Variants in KDM5B observed in about 807,000 individuals in gnomAD.
KDM5B encodes the protein lysine-specific demethylase 5B.
In KDM5B, 144 loss-of-function variants were observed where a neutral mutation model predicts 193.4. That is an observed-to-expected ratio of 0.74 (90% CI 0.65 to 0.86). The LOEUF (loss-of-function observed/expected upper bound fraction) is 0.86, where lower values mean the gene tolerates loss of function less well. Ranked by LOEUF, KDM5B falls within the 40% of genes least tolerant of loss-of-function variation. The pLI is 0.00. For synonymous variants in KDM5B, 668 were observed against 682.6 expected (o/e 0.98, Z 0.33); for missense variants, 1,833 against 1,886.9 (o/e 0.97, Z 0.53).
chr1:202,801,978 C>CT (rs541436339), intron 1 of KDM5B, among the ~76,000 whole-genome samples: 11,462 of 144,552 alleles, frequency 0.079, 592 homozygotes, highest in Non-Finnish European at 0.11. Context: ...TTCATTCCAT[C>CT]TTTTTTTTTT....
chr1:202,747,499 T>C (rs1395002113), intron 14 of KDM5B, among the ~76,000 whole-genome samples: 2 of 151,370 alleles, frequency 1.3e-5, no homozygotes, highest in Non-Finnish European at 2.9e-5. Context: ...GTAGGTAACC[T>C]GCTGTTAAAA....
At chr1:202,740,901 A>T (rs1655311260) in intron 19 of KDM5B, 89 bp from the exon 20 acceptor site, 7 of 1,319,930 alleles carry the variant, frequency 5.3e-6, no homozygotes, top group Non-Finnish European at 7.3e-6. Flanking sequence ...TTCAAAGGAA[A>T]TTCAGTATGG....
intron 1 of KDM5B, among the ~76,000 whole-genome samples, chr1:202,804,081 AT>A (rs1399248350): frequency 6.6e-6 from 1 of 152,064 alleles, no homozygotes; most frequent in African/African-American, 2.4e-5. Flanking sequence ...TTAAAGTATA[AT>A]TTAAAAAAAG....
chr1:202,728,380 G>A lies in KDM5B; in HGVS notation c.*656C>T, dbSNP rs1654749507. The A allele has an allele frequency of 6.6e-6, 1 of 152,650 alleles. No individual in the cohort carries two copies. The highest frequency in any genetic ancestry group is 1.5e-5 in the Non-Finnish European group (1 of 68,048). The allele number at this position is 152,650 out of a possible 1,614,324, so 9.5% of individuals were successfully genotyped here. On this transcript the variant is annotated 3_prime_UTR_variant, in exon 27 of 27. Coordinates refer to ENST00000367265, the MANE Select transcript of KDM5B (RefSeq NM_006618.5). ...CAGTGACACTAGAAACTAGACATTTGTGTTCTGTACATCAATCAATCGCTA... is the reference window on the plus strand; with the variant it reads ...CAGTGACACTAGAAACTAGACATTTATGTTCTGTACATCAATCAATCGCTA...
In KDM5B at chr1:202,741,427, T is replaced by C; in HGVS notation, c.2885A>G (p.Gln962Arg). Residue 962 changes from glutamine (Q) to arginine (R), a missense_variant, in exon 19 of 27, where the codon CAG (glutamine) becomes CGG (arginine). By Grantham distance (43) the Gln-to-Arg change is conservative (BLOSUM62 1). This residue lies in a region of KDM5B where 1,379 missense variants were observed against 1,349.6 expected (regional missense o/e 1.02). Coordinates refer to ENST00000367265, the MANE Select transcript of KDM5B (RefSeq NM_006618.5). ...SAVEKAMARL[Q>R]ELLTVSEHWD... The stretch of plus-strand genomic sequence containing the variant: ...GTGCTCTGACACTGTGAGCAGTTCC[T>C]GCAGCCGGGCCATAGCTTTCTCCAC... 1 of 1,604,018 alleles carries C rather than the reference T, an allele frequency of 6.2e-7. No individual in the cohort carries two copies. Among genetic ancestry groups the C allele is most frequent in the South Asian group, 1.1e-5 (1 of 90,092 alleles).
At chr1:202,794,572 G>T (rs980352539) in intron 1 of KDM5B, among the ~76,000 whole-genome samples, 2 of 152,176 alleles carry the variant, frequency 1.3e-5, no homozygotes, top group African/African-American at 4.8e-5. Context: ...TCTTAGCCTA[G>T]CTATCTACTC....
intron 1 of KDM5B, chr1:202,796,283 A>C: frequency 2.4e-6 from 1 of 417,634 alleles, no homozygotes; most frequent in Non-Finnish European, 4.9e-6. Context: ...CTATGACCAA[A>C]TGGTCCCCGC....
intron 1 of KDM5B, among the ~76,000 whole-genome samples, chr1:202,777,726 A>G (rs1164603690): frequency 1.3e-5 from 2 of 151,946 alleles, no homozygotes; most frequent in Non-Finnish European, 2.9e-5. Flanking sequence ...CTCGAACTCT[A>G]CAGCTCCAAT....
At chr1:202,754,604 T>C (rs1655936118) in intron 11 of KDM5B, among the ~76,000 whole-genome samples, 6 of 152,240 alleles carry the variant, frequency 3.9e-5, no homozygotes, top group Admixed American at 3.9e-4. Context: ...CAAAGGGGTA[T>C]CCAGGCTAGC....
rs1362941655 is a variant in KDM5B, at chr1:202,808,421, C to A, written c.-116G>T. 9.7e-6 allele frequency: 9 copies of A among 925,812 alleles called. No homozygotes were observed. Among genetic ancestry groups the A allele is most frequent in the Non-Finnish European group, 6.3e-6 (4 of 632,836 alleles). 57.3% of individuals were successfully genotyped at this position (925,812 alleles called of 1,614,324 possible). On this transcript the variant is annotated 5_prime_UTR_variant, in exon 1 of 27. Coordinates refer to ENST00000367265, the MANE Select transcript of KDM5B (RefSeq NM_006618.5). The stretch of plus-strand genomic sequence containing the variant: ...CGAGCAACAGCAAGTCCGAGTTGTA[C>A]GGGCAACGGCAGCACCTTGGGCTTT...
intron 1 of KDM5B, among the ~76,000 whole-genome samples, chr1:202,803,077 C>T (rs2102351025): frequency 6.6e-6 from 1 of 151,968 alleles, no homozygotes; most frequent in Admixed American, 6.6e-5. Context: ...GGGAGGAGCA[C>T]TTGAGCCCAA....
At chr1:202,750,561 T>C (rs1332117741) in intron 13 of KDM5B, 98 bp downstream of exon 13, 4 of 1,323,706 alleles carry the variant, frequency 3.0e-6, no homozygotes, top group Non-Finnish European at 4.2e-6. Flanking sequence ...AGGCATGAGC[T>C]ACCGCACCCA....
chr1:202,754,580 A>G (rs1387543904), intron 11 of KDM5B, among the ~76,000 whole-genome samples: 1 of 152,184 alleles, frequency 6.6e-6, no homozygotes, highest in East Asian at 1.9e-4. Context: ...ACCTACTATA[A>G]TTCACGCTTC....
intron 7 of KDM5B, among the ~76,000 whole-genome samples, chr1:202,762,348 C>G (rs919558770): frequency 2.0e-5 from 3 of 152,046 alleles, no homozygotes; most frequent in African/African-American, 7.3e-5. Context: ...GATTTTTGAG[C>G]GAGCCTTCAG....
At position 202,740,828 on chromosome 1, in the gene KDM5B, A is replaced by G; in HGVS notation, c.2946-16T>C. On this transcript the variant is annotated splice_polypyrimidine_tract_variant and intron_variant, in intron 19 of 26. Transcript: ENST00000367265. ...ATGTCGTGGCCTACAAAATGCAAACAAAGACTTCTTAGCATTTTATATGAT... is the reference window on the plus strand; with the variant it reads ...ATGTCGTGGCCTACAAAATGCAAACGAAGACTTCTTAGCATTTTATATGAT... 6.9e-6 allele frequency: 11 copies of G among 1,599,582 alleles called. No homozygotes were observed. The highest frequency in any genetic ancestry group is 8.5e-6 in the Non-Finnish European group (10 of 1,171,312).
chr1:202,741,856 C>A, intron 18 of KDM5B, 134 bp from the exon 19 acceptor site: 1 of 613,302 alleles, frequency 1.6e-6, no homozygotes, highest in Non-Finnish European at 2.8e-6. Flanking sequence ...AATAAGATAA[C>A]ACATAAGCCA....
At chr1:202,751,228 A>G (rs539324695) in intron 12 of KDM5B, among the ~76,000 whole-genome samples, 3 of 152,238 alleles carry the variant, frequency 2.0e-5, no homozygotes, top group South Asian at 2.1e-4. Context: ...CCCTCACCCC[A>G]AAAGTACCTA....
At chr1:202,770,554 G>C (rs984307649) in intron 4 of KDM5B, among the ~76,000 whole-genome samples, 1 of 152,028 alleles carries the variant, frequency 6.6e-6, no homozygotes, top group Non-Finnish European at 1.5e-5. Flanking sequence ...TAAAAAACTA[G>C]AACTGACCTA....
chr1:202,795,631 A>G (rs1486883187), intron 1 of KDM5B, among the ~76,000 whole-genome samples: 1 of 151,948 alleles, frequency 6.6e-6, no homozygotes, highest in Non-Finnish European at 1.5e-5. Flanking sequence ...AACCTAGGCA[A>G]CAGAGCAAGA....
Sources: gnomAD v4.1 joint callset for allele counts (sites outside exome capture counted in the v4.1 genomes callset) on GRCh38, gnomAD v4.1.1 for gene constraint, gnomAD v4.1.1 regional missense constraint, MANE v1.5 for transcripts, NCBI Gene and HGNC (gene_info 2026-07-23, HGNC 2026-07-21) for gene names.